PRRC2B: variants seen among roughly 807,000 people sequenced by gnomAD.
The protein encoded by PRRC2B is proline rich coiled-coil 2B, also known as protein PRRC2B.
PRRC2B carries 68 observed loss-of-function variants against 242.3 expected under a neutral mutation model. The observed-to-expected ratio is 0.28, with a 90% confidence interval of 0.23 to 0.34. PRRC2B has a LOEUF of 0.34. Ranked by LOEUF, PRRC2B falls within the 10% of genes least tolerant of loss-of-function variation. The probability of loss-of-function intolerance (pLI) is 1.00; values close to 1 mark genes in which losing one functional copy is unlikely to be tolerated. For synonymous variants in PRRC2B, 1,228 were observed against 1,173.6 expected, an observed-to-expected ratio of 1.05 and a Z score of -0.95; for missense variants, 2,835 against 2,954.8, an observed-to-expected ratio of 0.96 and a Z score of 0.94.
rs1236010274 is a variant in PRRC2B at position 131,476,324 on chromosome 9, T to A, written c.4195T>A (p.Ser1399Thr). 3.2e-6 allele frequency: 5 copies of A among 1,581,760 alleles called. No homozygotes were observed. Among genetic ancestry groups the A allele is most frequent in the Non-Finnish European group, 4.3e-6 (5 of 1,164,374 alleles). Reference sequence around the variant, plus strand: ...GGAAGGCCCTGGGTCCGAGCCCGACTCCCAGGTGGATGGTGGCCTGTCGGG... The same window carrying A: ...GGAAGGCCCTGGGTCCGAGCCCGACACCCAGGTGGATGGTGGCCTGTCGGG... Reference protein sequence around the residue: ...RREGPGSEPDSQVDGGLSGAS... With the variant: ...RREGPGSEPDTQVDGGLSGAS... Residue 1399 changes from serine to threonine, a missense_variant, in exon 16 of 32, where the codon TCC becomes ACC. By Grantham distance (58) the Ser-to-Thr change is moderately conservative (BLOSUM62 1). Around this residue, in one of 7 missense-constraint regions of PRRC2B, gnomAD observed 1,536 missense variants for 1,483.1 expected, o/e 1.04. Coordinates refer to ENST00000683519, the MANE Select transcript of PRRC2B (RefSeq NM_013318.4).
chr9:131,452,731 A>G (rs1383153374), intron 9 of PRRC2B, among the ~76,000 whole-genome samples: 1 of 151,968 alleles, frequency 6.6e-6, no homozygotes, highest in Non-Finnish European at 1.5e-5. Context: ...CATTGAGGCA[A>G]TTTTTTATTA....
rs1943891891 is a variant in PRRC2B at position 131,482,293 on chromosome 9, CTG to C, written c.4984-75_4984-74del. 1 of 1,451,754 alleles carries C rather than the reference CTG, an allele frequency of 6.9e-7. No individual in the cohort carries two copies. The highest frequency in any genetic ancestry group is 9.3e-7 in the Non-Finnish European group (1 of 1,075,566). The allele number at this position is 1,451,754 out of a possible 1,614,324, so 89.9% of individuals were successfully genotyped here. On this transcript the variant is annotated intron_variant, in intron 20 of 31. Coordinates refer to ENST00000683519, the MANE Select transcript of PRRC2B (RefSeq NM_013318.4). The surrounding 1 kb of genome is among the most constrained non-coding windows in gnomAD (Gnocchi z 5.2). ...ACAGGCAGCTGGGGTAGAAAAGTCTCTGTGCCACATGCAGTTTTACTCTCTGG... is the reference window on the plus strand; with the variant it reads ...ACAGGCAGCTGGGGTAGAAAAGTCTCTGCCACATGCAGTTTTACTCTCTGG...
intron 11 of PRRC2B, among the ~76,000 whole-genome samples, chr9:131,460,326 A>G (rs1943206541): frequency 1.3e-5 from 2 of 152,222 alleles, no homozygotes; most frequent in South Asian, 4.2e-4. Context: ...CCTTTCCTTC[A>G]CTTTCATGAC....
chr9:131,432,902 T>G, intron 3 of PRRC2B, 108 bp downstream of exon 3: 1 of 1,098,546 alleles, frequency 9.1e-7, no homozygotes, highest in Non-Finnish European at 1.3e-6. Context: ...GCAGCGCTAG[T>G]CTTGCAGTGG....
In PRRC2B at chr9:131,459,238, G is replaced by T. The variant is rs374463246; in HGVS notation, c.1286G>T (p.Arg429Leu). 5.6e-6 allele frequency: 9 copies of T among 1,613,824 alleles called. No homozygotes were observed. The highest frequency in any genetic ancestry group is 1.3e-5 in the African/African-American group (1 of 74,910). ...GACAGTGCGGACGCTAAGCGGACTCGAGAGGAAGGGAAGGACTGGGCTGAA... is the reference window on the plus strand; with the variant it reads ...GACAGTGCGGACGCTAAGCGGACTCTAGAGGAAGGGAAGGACTGGGCTGAA... ...SADSADAKRT[R>L]EEGKDWAEAV... Residue 429 changes from arginine to leucine, a missense_variant, in exon 11 of 32, where the codon CGA (arginine) becomes CTA (leucine). Transcript: ENST00000683519.
intron 1 of PRRC2B, among the ~76,000 whole-genome samples, chr9:131,416,321 C>G (rs760270315): frequency 8.5e-5 from 13 of 152,104 alleles, no homozygotes; most frequent in Non-Finnish European, 1.8e-4. Flanking sequence ...ATTGGCCAGG[C>G]TGGTCTCGAA....
intron 1 of PRRC2B, among the ~76,000 whole-genome samples, chr9:131,420,227 C>G (rs1837765715): frequency 6.6e-6 from 1 of 152,068 alleles, no homozygotes; most frequent in Non-Finnish European, 1.5e-5. Context: ...GTGGTTTCCT[C>G]AAACCTTATT....
At chr9:131,395,796 A>G (rs1437448361) in intron 1 of PRRC2B, among the ~76,000 whole-genome samples, 1 of 152,178 alleles carries the variant, frequency 6.6e-6, no homozygotes, top group Non-Finnish European at 1.5e-5. Flanking sequence ...GGAGGCAGGG[A>G]TGGGAAAAAG....
At position 131,482,634 on chromosome 9, in the gene PRRC2B, A is replaced by T. The variant is rs1047184619; in HGVS notation, c.5175+72A>T. ...GGCCATCGTCTCATCATCTTCCTCA[A>T]TTCCTGGGACAGTAGAAGCTAGAGA... On this transcript the variant is annotated intron_variant, in intron 21 of 31. Transcript: ENST00000683519. The surrounding 1 kb of genome is among the most constrained non-coding windows in gnomAD (Gnocchi z 5.2). The T allele has an allele frequency of 3.3e-6, 5 of 1,524,972 alleles. No individual in the cohort carries two copies. In the South Asian group the frequency reaches 6.4e-5, roughly 19 times the overall value. The allele number at this position is 1,524,972 out of a possible 1,614,324, so 94.5% of individuals were successfully genotyped here.
chr9:131,475,583 G>A lies in PRRC2B; in HGVS notation c.3454G>A (p.Gly1152Ser). 6.2e-7 allele frequency: 1 copy of A among 1,612,850 alleles called. No individual in the cohort carries two copies. Among genetic ancestry groups the A allele is most frequent in the Non-Finnish European group, 8.5e-7 (1 of 1,179,812 alleles). Residue 1152 changes from glycine (G) to serine (S), a missense_variant, in exon 16 of 32, where the codon GGC becomes AGC. By Grantham distance (56) the Gly-to-Ser change is moderately conservative. Transcript: ENST00000683519. ...ACTTCCCAAGCGCCGCCGGCAGAGGGGCTCCGAGAACGGGAATGAAGGCTC... is the reference window on the plus strand; with the variant it reads ...ACTTCCCAAGCGCCGCCGGCAGAGGAGCTCCGAGAACGGGAATGAAGGCTC... ...EELPKRRRQR[G>S]SENGNEGSLL... is the part of the protein sequence containing the mutation.
intron 1 of PRRC2B, among the ~76,000 whole-genome samples, chr9:131,428,195 T>C (rs1478594321): frequency 6.6e-6 from 1 of 152,112 alleles, no homozygotes; most frequent in African/African-American, 2.4e-5. Flanking sequence ...GTTGGGATTA[T>C]AGGCGTGAGC....
chr9:131,426,469 A>G (rs542130262), intron 1 of PRRC2B, among the ~76,000 whole-genome samples: 25 of 152,228 alleles, frequency 1.6e-4, no homozygotes, highest in Admixed American at 7.2e-4. Flanking sequence ...GAGGCTTGCA[A>G]TCTAGCCCAC....
intron 1 of PRRC2B, among the ~76,000 whole-genome samples, chr9:131,412,472 G>A (rs771586242): frequency 3.4e-5 from 5 of 148,524 alleles, no homozygotes; most frequent in South Asian, 4.2e-4. Flanking sequence ...GGGTATGTGC[G>A]TGCGTGCGTG....
At chr9:131,382,408 G>C (rs1036409537) in intron 1 of PRRC2B, among the ~76,000 whole-genome samples, 1 of 152,122 alleles carries the variant, frequency 6.6e-6, no homozygotes, top group Non-Finnish European at 1.5e-5. Context: ...TGTCTGATGG[G>C]AAATGGAGGG....
At chr9:131,394,997 C>T (rs1187838929) in intron 1 of PRRC2B, among the ~76,000 whole-genome samples, 4 of 151,756 alleles carry the variant, frequency 2.6e-5, no homozygotes, top group Non-Finnish European at 4.4e-5. Context: ...CTCCCCTCAA[C>T]CCCCAGGAGA....
intron 18 of PRRC2B, among the ~76,000 whole-genome samples, chr9:131,478,874 G>A (rs1943780704): frequency 6.6e-6 from 1 of 152,158 alleles, no homozygotes; most frequent in Admixed American, 6.5e-5. Flanking sequence ...ACTTCTCTAG[G>A]GTGATAACAG....
At chr9:131,402,835 C>T (rs1213861137) in intron 1 of PRRC2B, among the ~76,000 whole-genome samples, 1 of 152,198 alleles carries the variant, frequency 6.6e-6, no homozygotes, top group African/African-American at 2.4e-5. Flanking sequence ...GGTCAGCCTG[C>T]TTTCCAGAGA....
rs981203092 is a variant in PRRC2B at position 131,471,068 on chromosome 9, C to A, written c.2107+85C>A. ...GGTGTCCTCTCGAGTTAAACAGATA[C>A]ACCTGGATTTTGGTCTGGCTCTTTG... On this transcript the variant is annotated intron_variant, in intron 14 of 31. Coordinates refer to ENST00000683519, the MANE Select transcript of PRRC2B (RefSeq NM_013318.4). 9.6e-5 allele frequency: 94 copies of A among 983,406 alleles called. No individual in the cohort carries two copies. The Middle Eastern group carries it at 3.0e-3, about 31-fold the overall frequency. The allele number at this position is 983,406 out of a possible 1,614,324, so 60.9% of individuals were successfully genotyped here. A position where few individuals can be genotyped will look rare whatever the true frequency, so the allele number is the denominator to read the frequency against.
Position 131,476,113 on chromosome 9 carries a change from C to A in PRRC2B, c.3984C>A (p.Pro1328=). 3 of 1,609,744 alleles carry A rather than the reference C, an allele frequency of 1.9e-6. No individual in the cohort carries two copies. Among genetic ancestry groups the A allele is most frequent in the Non-Finnish European group, 2.5e-6 (3 of 1,177,446 alleles). Residue 1328 remains proline, a synonymous_variant, in exon 16 of 32, where the codon CCC becomes CCA. Coordinates refer to ENST00000683519, the MANE Select transcript of PRRC2B (RefSeq NM_013318.4). The stretch of plus-strand genomic sequence containing the variant: ...GGGAGTCCCTGGGCCTGTGGGGACC[C>A]GAGGAGGAGCCCCACCTGCTGGCAG... ...QERESLGLWG[P]EEEPHLLAGQ... is the part of the protein sequence containing the mutation.
Sources: allele counts gnomAD v4.1 joint callset (sites outside exome capture counted in the v4.1 genomes callset), GRCh38; gene constraint gnomAD v4.1.1; regional missense constraint gnomAD v4.1.1; non-coding constraint Gnocchi (gnomAD v3.1); transcripts MANE v1.5; gene names NCBI Gene and HGNC (gene_info 2026-07-23, HGNC 2026-07-21).